RBM39: variants seen among roughly 807,000 people sequenced by gnomAD.
The protein encoded by RBM39 is RNA binding motif protein 39, also known as RNA-binding protein 39.
A neutral mutation model predicts 79.6 loss-of-function variants in RBM39; 12 were observed. The ratio of observed to expected loss-of-function variants is 0.15; its 90% CI spans 0.10 to 0.24. The LOEUF (loss-of-function observed/expected upper bound fraction) is 0.24. Among genes scored for constraint, RBM39 ranks in the 10% least tolerant of loss-of-function variants. The pLI is 1.00. For synonymous variants in RBM39, 185 were observed against 208.4 expected, an observed-to-expected ratio of 0.89 and a Z score of 0.97; for missense variants, 243 against 653.4, an observed-to-expected ratio of 0.37 and a Z score of 6.85.
chr20:35,719,411 C>A (rs1481870925), intron 9 of RBM39, among the ~76,000 whole-genome samples: 1 of 152,114 alleles, frequency 6.6e-6, no homozygotes, highest in Non-Finnish European at 1.5e-5. Flanking sequence ...CACTGAAAAC[C>A]TAAAATGGGT....
Position 35,742,090 on chromosome 20 carries a change from A to G in RBM39, c.-163T>C. ...CCGCCCAGCCCGAATATCGGGTTCC[A>G]AGGACGGCTAGGCCCGAGAGAATCT... On this transcript the variant is annotated 5_prime_UTR_variant, in exon 1 of 17. Coordinates refer to ENST00000253363, the MANE Select transcript of RBM39 (RefSeq NM_184234.3). 1 of 167,094 alleles carries G rather than the reference A, an allele frequency of 6.0e-6. No homozygotes were observed. 10.4% of individuals were successfully genotyped at this position (167,094 alleles called of 1,614,324 possible). A position where few individuals can be genotyped will look rare whatever the true frequency, so the allele number is the denominator to read the frequency against.
chr20:35,706,043 A>C (rs2035690937), intron 14 of RBM39, among the ~76,000 whole-genome samples: 1 of 152,088 alleles, frequency 6.6e-6, no homozygotes. Context: ...CTCTACTATA[A>C]AAATACAAAA....
intron 11 of RBM39, chr20:35,713,749 C>G (rs1490615896): frequency 6.7e-6 from 1 of 149,700 alleles, no homozygotes; most frequent in Non-Finnish European, 1.5e-5. Context: ...ACTGTTAGTC[C>G]CAGCTATTTA....
Position 35,702,224 on chromosome 20 carries a change from G to C in RBM39, c.*2257C>G, listed in dbSNP as rs996114249. On this transcript the variant is annotated 3_prime_UTR_variant, in exon 17 of 17. Transcript: ENST00000253363. ...TTATAAAGATAAAAGAAAACTAGAT[G>C]AACACTTTGGAACACTGACAGGCAG... 6.6e-6 allele frequency: 1 copy of C among 152,132 alleles called. No individual in the cohort carries two copies. The highest frequency in any genetic ancestry group is 1.5e-5 in the Non-Finnish European group (1 of 68,032). The allele number at this position is 152,132 out of a possible 1,614,324, so 9.4% of individuals were successfully genotyped here.
intron 2 of RBM39, chr20:35,739,814 G>C (rs550983229): frequency 4.4e-6 from 1 of 226,068 alleles, no homozygotes; most frequent in Non-Finnish European, 9.1e-6. Context: ...ACATGGTCGT[G>C]CTATACAATC....
intron 12 of RBM39, among the ~76,000 whole-genome samples, chr20:35,710,029 C>T (rs2036205321): frequency 2.6e-5 from 4 of 152,164 alleles, no homozygotes; most frequent in African/African-American, 9.7e-5. Flanking sequence ...TAGATTTCTA[C>T]AGTGGACGCC....
At chr20:35,712,386 CTG>C (rs2036523596) in intron 12 of RBM39, among the ~76,000 whole-genome samples, 1 of 136,132 alleles carries the variant, frequency 7.3e-6, no homozygotes, top group African/African-American at 2.8e-5. Context: ...TGAGCCGAGA[CTG>C]CACCACTGCA....
At chr20:35,735,418 T>C (rs571736168) in intron 3 of RBM39, among the ~76,000 whole-genome samples, 2 of 152,332 alleles carry the variant, frequency 1.3e-5, no homozygotes, top group East Asian at 3.9e-4. Context: ...ATGAAGTGTA[T>C]GTTAAGAATC....
At chr20:35,713,666 CAAAAAAAAAAAAAAAAAAAAA>C (rs56909848) in intron 11 of RBM39, 1 of 34,720 alleles carries the variant, frequency 2.9e-5, no homozygotes, top group Non-Finnish European at 5.0e-5. Context: ...CCAACCAACA[CAAAAAAAAAAAAAAAAAAAAA>C]AAAAAAAAAA....
chr20:35,705,742 G>GA, intron 14 of RBM39, among the ~76,000 whole-genome samples: 1 of 150,984 alleles, frequency 6.6e-6, no homozygotes, highest in South Asian at 2.1e-4. Context: ...AGGTTGCAGT[G>GA]AGCCAGTATC....
intron 9 of RBM39, among the ~76,000 whole-genome samples, chr20:35,718,000 A>G (rs547119551): frequency 1.3e-5 from 2 of 152,070 alleles, no homozygotes; most frequent in Non-Finnish European, 2.9e-5. Flanking sequence ...CTGGGACTAC[A>G]GGCACCCACC....
chr20:35,715,854 T>C (rs752997105), intron 10 of RBM39, among the ~76,000 whole-genome samples: 14 of 152,154 alleles, frequency 9.2e-5, no homozygotes, highest in Non-Finnish European at 1.5e-4. Flanking sequence ...CCTTGCTCTG[T>C]TACTTCACAG....
chr20:35,721,947 A>AT, intron 8 of RBM39, 70 bp from the exon 9 acceptor site: 1 of 1,506,644 alleles, frequency 6.6e-7, no homozygotes, highest in Non-Finnish European at 9.2e-7. Context: ...TTCCATTTGC[A>AT]TAACAACTAA....
Position 35,710,023 on chromosome 20 carries a change from T to C in RBM39, c.1175-749A>G, listed in dbSNP as rs374123279. On this transcript the variant is annotated intron_variant, in intron 12 of 16. Coordinates refer to ENST00000253363, the MANE Select transcript of RBM39 (RefSeq NM_184234.3). ...TATATTTTCTCATATAATCGTTAGA[T>C]TTCTACAGTGGACGCCATCTGAAAG... Among the ~76,000 whole-genome samples the C allele has an allele frequency of 2.0e-5, 3 of 152,210 alleles. No homozygotes were observed. The East Asian group carries it at 5.8e-4, about 29-fold the overall frequency.
At chr20:35,741,225 G>C (rs1356579117) in intron 1 of RBM39, among the ~76,000 whole-genome samples, 4 of 150,470 alleles carry the variant, frequency 2.7e-5, no homozygotes, top group Non-Finnish European at 5.9e-5. Flanking sequence ...GTAGAGACGG[G>C]GTTTCACCAT....
chr20:35,725,664 T>C (rs1178409261), intron 6 of RBM39, among the ~76,000 whole-genome samples: 2 of 140,450 alleles, frequency 1.4e-5, no homozygotes, highest in South Asian at 2.3e-4. Context: ...TTTCTTTTTT[T>C]TTTTTTTTTT....
intron 6 of RBM39, among the ~76,000 whole-genome samples, chr20:35,727,711 G>A (rs1022320578): frequency 2.7e-4 from 40 of 150,590 alleles, no homozygotes; most frequent in African/African-American, 6.6e-4. Context: ...GTGCAATGGC[G>A]CGATCTCGGC....
In RBM39 at chr20:35,721,976, T is replaced by TA; in HGVS notation, c.688-100dup. On this transcript the variant is annotated intron_variant, in intron 8 of 16. Coordinates refer to ENST00000253363, the MANE Select transcript of RBM39 (RefSeq NM_184234.3). ...CAACTAATGTTAAAGTTTAGAGTGATAAAAATACTACCCTACGTAAGTCAG... is the reference window on the plus strand; with the variant it reads ...CAACTAATGTTAAAGTTTAGAGTGATAAAAAATACTACCCTACGTAAGTCAG... 3.0e-6 allele frequency: 4 copies of TA among 1,353,782 alleles called. No individual in the cohort carries two copies. The African/African-American group carries it at 4.4e-5, about 15-fold the overall frequency. The allele number at this position is 1,353,782 out of a possible 1,614,324, so 83.9% of individuals were successfully genotyped here.
At chr20:35,731,890 G>C (rs1273262223) in intron 4 of RBM39, 51 bp downstream of exon 4, 1 of 1,508,040 alleles carries the variant, frequency 6.6e-7, no homozygotes, top group African/African-American at 1.4e-5. Context: ...ACTGCCATCT[G>C]AATACCCAGA....
Sources: allele counts gnomAD v4.1 joint callset (sites outside exome capture counted in the v4.1 genomes callset), GRCh38; gene constraint gnomAD v4.1.1; transcripts MANE v1.5; gene names NCBI Gene and HGNC (gene_info 2026-07-23, HGNC 2026-07-21).